Variants in CADPS observed in about 807,000 individuals in gnomAD.
The protein encoded by CADPS is calcium dependent secretion activator.
In CADPS, 57 loss-of-function variants were observed where a neutral mutation model predicts 167.3. That is an observed-to-expected ratio of 0.34 (90% CI 0.28 to 0.42). The LOEUF (loss-of-function observed/expected upper bound fraction) is 0.42, where lower values mean the gene tolerates loss of function less well. Among genes scored for constraint, CADPS ranks in the 20% least tolerant of loss-of-function variants. CADPS has a pLI of 1.00. For synonymous variants in CADPS, 676 were observed against 635.3 expected (o/e 1.06, Z -0.96); for missense variants, 1,414 against 1,738.1 (o/e 0.81, Z 3.32).
chr3:62,749,342 A>T (rs969494727), intron 3 of CADPS, among the ~76,000 whole-genome samples: 1 of 152,238 alleles, frequency 6.6e-6, no homozygotes, highest in Non-Finnish European at 1.5e-5. Context: ...TAAAAATGGC[A>T]GTTACTGGCA....
chr3:62,801,868 T>C (rs1338026671), intron 1 of CADPS, among the ~76,000 whole-genome samples: 1 of 152,218 alleles, frequency 6.6e-6, no homozygotes, highest in Non-Finnish European at 1.5e-5. Flanking sequence ...TTCTTTCTAC[T>C]GTTGTAATCA....
intron 1 of CADPS, among the ~76,000 whole-genome samples, chr3:62,833,431 A>C (rs1577053224): frequency 6.6e-6 from 1 of 151,838 alleles, no homozygotes; most frequent in Non-Finnish European, 1.5e-5. Flanking sequence ...CTAGGATTAC[A>C]GGTGGAAGCC....
At chr3:62,620,717 C>T (rs1021878626) in intron 6 of CADPS, among the ~76,000 whole-genome samples, 1 of 152,150 alleles carries the variant, frequency 6.6e-6, no homozygotes, top group East Asian at 1.9e-4. Flanking sequence ...GTCCTTGCTT[C>T]TTAGGAGTGG....
chr3:62,536,434 A>C lies in CADPS; in HGVS notation c.2103+11T>G. ...ATGTTTAAATTGCTGTAGACCAAAG[A>C]ATATACTTGCCAGGCAAGAATAGGA... On this transcript the variant is annotated intron_variant, in intron 12 of 29. Coordinates refer to ENST00000383710, the MANE Select transcript of CADPS (RefSeq NM_003716.4). 2 of 1,611,140 alleles carry C rather than the reference A, an allele frequency of 1.2e-6. No individual in the cohort carries two copies. Among genetic ancestry groups the C allele is most frequent in the Non-Finnish European group, 1.7e-6 (2 of 1,177,862 alleles).
At chr3:62,568,813 C>A (rs547378372) in intron 9 of CADPS, among the ~76,000 whole-genome samples, 1 of 152,330 alleles carries the variant, frequency 6.6e-6, no homozygotes, top group East Asian at 1.9e-4. Flanking sequence ...CTGTTCTTAA[C>A]ATGGATGGGT....
intron 6 of CADPS, among the ~76,000 whole-genome samples, chr3:62,599,658 TAA>T (rs2059454287): frequency 3.0e-5 from 2 of 65,842 alleles, no homozygotes; most frequent in Non-Finnish European, 5.3e-5. Context: ...ATATATAATA[TAA>T]TATATATTAT....
intron 3 of CADPS, among the ~76,000 whole-genome samples, chr3:62,663,230 C>G (rs2073701086): frequency 6.6e-6 from 1 of 152,042 alleles, no homozygotes; most frequent in Non-Finnish European, 1.5e-5. Flanking sequence ...GAAGACAGCA[C>G]TAAACAATAT....
intron 26 of CADPS, among the ~76,000 whole-genome samples, chr3:62,459,734 C>T (rs2059111940): frequency 6.6e-6 from 1 of 152,156 alleles, no homozygotes; most frequent in Non-Finnish European, 1.5e-5. Context: ...ATGCAAATGT[C>T]CAATAAACAG....
In CADPS at chr3:62,874,838, GCCGCCGCCTGCA is replaced by G. The variant is rs1326177514; in HGVS notation, c.180_191del (p.Ala61_Gly64del). On this transcript the variant is annotated inframe_deletion, in exon 1 of 30. Transcript: ENST00000383710. The surrounding 1 kb of genome is among the most constrained non-coding windows in gnomAD (Gnocchi z 7.1). Reference sequence around the variant, plus strand: ...CGCCGCTGCTCGCGCCGCTGCCCCCGCCGCCGCCTGCACCCACCCCGGCTCCGGCGCCGGCGC... The same window carrying G: ...CGCCGCTGCTCGCGCCGCTGCCCCCGCCCACCCCGGCTCCGGCGCCGGCGC... 15 of 1,031,640 alleles carry G rather than the reference GCCGCCGCCTGCA, an allele frequency of 1.5e-5. No individual in the cohort carries two copies. The highest frequency in any genetic ancestry group is 1.8e-5 in the Non-Finnish European group (15 of 852,604). 63.9% of individuals were successfully genotyped at this position (1,031,640 alleles called of 1,614,324 possible).
At chr3:62,687,991 A>G (rs948564938) in intron 3 of CADPS, among the ~76,000 whole-genome samples, 16 of 152,058 alleles carry the variant, frequency 1.1e-4, no homozygotes, top group Non-Finnish European at 1.9e-4. Context: ...TCATTTATTC[A>G]ACAAGTATTT....
At chr3:62,452,498 G>A (rs1174156734) in intron 26 of CADPS, among the ~76,000 whole-genome samples, 3 of 152,114 alleles carry the variant, frequency 2.0e-5, no homozygotes, top group Non-Finnish European at 4.4e-5. Context: ...TGGTCTAGAC[G>A]CAAGGGACAT....
At chr3:62,449,360 A>C (rs2057710339) in intron 26 of CADPS, among the ~76,000 whole-genome samples, 2 of 152,206 alleles carry the variant, frequency 1.3e-5, no homozygotes, top group Non-Finnish European at 2.9e-5. Flanking sequence ...AAGTCCCCTT[A>C]GAGGTAGGAA....
chr3:62,501,663 T>C (rs529121189), intron 17 of CADPS, among the ~76,000 whole-genome samples: 3 of 152,266 alleles, frequency 2.0e-5, no homozygotes, highest in Non-Finnish European at 4.4e-5. Flanking sequence ...GGTGAAACAC[T>C]CCCCAAATCT....
chr3:62,721,140 A>ATTTTTTTTTTTTTT (rs1564299964), intron 3 of CADPS, among the ~76,000 whole-genome samples: 4 of 77,602 alleles, frequency 5.2e-5, no homozygotes, highest in African/African-American at 1.2e-4. Flanking sequence ...TTTTTAAAAA[A>ATTTTTTTTTTTTTT]AAAAAGAAGA....
chr3:62,665,902 C>A (rs1034341752), intron 3 of CADPS, among the ~76,000 whole-genome samples: 21 of 152,206 alleles, frequency 1.4e-4, no homozygotes, highest in African/African-American at 3.9e-4. Flanking sequence ...AGGGCTTAGT[C>A]CATGGCTTGG....
chr3:62,498,302 G>T, intron 18 of CADPS: 2 of 359,004 alleles, frequency 5.6e-6, no homozygotes, highest in South Asian at 4.3e-5. Flanking sequence ...GTCATGGAAT[G>T]ACCATTTTAG....
chr3:62,446,711 G>C lies in CADPS; in HGVS notation c.3637-914C>G, dbSNP rs901945826. On this transcript the variant is annotated intron_variant, in intron 26 of 29. Coordinates refer to ENST00000383710, the MANE Select transcript of CADPS (RefSeq NM_003716.4). This position sits in a 1 kb window ranked among gnomAD's most constrained non-coding sequence, Gnocchi z 4.9. ...GGGTGAGTTCTGAGTACTGTGAAAA[G>C]TCAATGAACAGCTGGGTTTGAGAAA... Among the ~76,000 whole-genome samples, 3 of 152,194 alleles carry C rather than the reference G, an allele frequency of 2.0e-5. No homozygotes were observed. The highest frequency in any genetic ancestry group is 7.2e-5 in the African/African-American group (3 of 41,454).
In CADPS at chr3:62,604,368, T is replaced by C. The variant is rs189769033; in HGVS notation, c.1326-11620A>G. 2.6e-5 allele frequency among the ~76,000 whole-genome samples: 4 copies of C among 152,310 alleles called. No individual in the cohort carries two copies. In the East Asian group the frequency reaches 7.7e-4, roughly 29 times the overall value. ...GAAGAGATGCTGATTTTCAGTTTGT[T>C]CAGCGTTTTTCTTGTGGTGAGGACA... is the stretch of plus-strand genomic sequence containing the variant. On this transcript the variant is annotated intron_variant, in intron 6 of 29. Transcript: ENST00000383710.
intron 1 of CADPS, among the ~76,000 whole-genome samples, chr3:62,802,901 C>G (rs1304463738): frequency 6.6e-6 from 1 of 152,072 alleles, no homozygotes. Context: ...TTCTGTGTCC[C>G]CAAATAGGTC....
Sources: gnomAD v4.1 joint callset for allele counts (sites outside exome capture counted in the v4.1 genomes callset) on GRCh38, gnomAD v4.1.1 for gene constraint, Gnocchi (gnomAD v3.1) non-coding constraint, MANE v1.5 for transcripts, NCBI Gene and HGNC (gene_info 2026-07-23, HGNC 2026-07-21) for gene names.